COLGALT2: variants seen among roughly 807,000 people sequenced by gnomAD.
COLGALT2 encodes collagen beta(1-O)galactosyltransferase 2.
COLGALT2 carries 49 observed loss-of-function variants against 73.4 expected under a neutral mutation model. That is an observed-to-expected ratio of 0.67 (90% CI 0.53 to 0.85). COLGALT2 has a LOEUF of 0.85. Among genes scored for constraint, COLGALT2 ranks in the 40% least tolerant of loss-of-function variants. The pLI is 0.00. For missense variants in COLGALT2, 722 were observed against 790.2 expected, an observed-to-expected ratio of 0.91 and a Z score of 1.03; for synonymous variants, 295 against 307.6, an observed-to-expected ratio of 0.96 and a Z score of 0.43.
chr1:183,954,751 AC>A lies in COLGALT2; in HGVS notation c.1029+10del. On this transcript the variant is annotated intron_variant, in intron 7 of 11. Coordinates refer to ENST00000361927, the MANE Select transcript of COLGALT2 (RefSeq NM_015101.4). ...CGTGCATGTGCACACACATATAGAC[AC>A]CTTTCCTACCTCATCAAATCCCATC... 1 of 1,601,804 alleles carries A rather than the reference AC, an allele frequency of 6.2e-7. No homozygotes were observed. The highest frequency in any genetic ancestry group is 2.2e-5 in the East Asian group (1 of 44,818).
intron 11 of COLGALT2, among the ~76,000 whole-genome samples, chr1:183,939,431 T>C (rs6424919): frequency 0.57 from 87,141 of 152,062 alleles, 25,059 homozygotes; most frequent in African/African-American, 0.59. Flanking sequence ...ATGTGGCACG[T>C]GGAGGCTTAG....
intron 1 of COLGALT2, among the ~76,000 whole-genome samples, chr1:184,034,234 C>T (rs1210045171): frequency 6.6e-6 from 1 of 152,064 alleles, no homozygotes; most frequent in Admixed American, 6.5e-5. Flanking sequence ...ACCTGCCACC[C>T]ACTTGAACTC....
chr1:184,032,660 T>G (rs977841701), intron 1 of COLGALT2, among the ~76,000 whole-genome samples: 1 of 152,254 alleles, frequency 6.6e-6, no homozygotes. Context: ...AGGCATCATC[T>G]GCTTTTTCAG....
At chr1:183,955,430 C>A (rs1670526062) in intron 6 of COLGALT2, among the ~76,000 whole-genome samples, 1 of 152,096 alleles carries the variant, frequency 6.6e-6, no homozygotes, top group Non-Finnish European at 1.5e-5. Flanking sequence ...CTATTTTTAT[C>A]CCACCTGGGC....
chr1:183,946,307 G>GA (rs919953804), intron 8 of COLGALT2: 16 of 152,128 alleles, frequency 1.1e-4, no homozygotes, highest in Admixed American at 9.2e-4. Context: ...AACTTAAAAG[G>GA]AAAAACCAAG....
chr1:183,983,081 A>G (rs931406645), intron 1 of COLGALT2, among the ~76,000 whole-genome samples: 1 of 152,252 alleles, frequency 6.6e-6, no homozygotes, highest in Non-Finnish European at 1.5e-5. Flanking sequence ...AAACAGATGC[A>G]CAGATTTCAA....
chr1:183,934,191 C>A (rs896553674), downstream of COLGALT2, among the ~76,000 whole-genome samples: 1 of 152,234 alleles, frequency 6.6e-6, no homozygotes, highest in Non-Finnish European at 1.5e-5. Context: ...TGAAAGCTCA[C>A]CTAAACTCCT....
intron 8 of COLGALT2, among the ~76,000 whole-genome samples, chr1:183,950,054 T>G (rs1362666013): frequency 1.3e-5 from 2 of 152,226 alleles, no homozygotes; most frequent in Non-Finnish European, 2.9e-5. Flanking sequence ...GGATAATTTT[T>G]TAGTATAACC....
At position 183,954,858 on chromosome 1, in the gene COLGALT2, T is replaced by C; in HGVS notation, c.953-20A>G. On this transcript the variant is annotated intron_variant, in intron 6 of 11. Coordinates refer to ENST00000361927, the MANE Select transcript of COLGALT2 (RefSeq NM_015101.4). ...GGTCAACTGGAAGACACAAGAAACA[T>C]GCAGAGTGCTTTGTTAATGAAAGGG... The C allele has an allele frequency of 1.3e-6, 2 of 1,581,094 alleles. No homozygotes were observed. Among genetic ancestry groups the C allele is most frequent in the Non-Finnish European group, 1.7e-6 (2 of 1,150,258 alleles).
intron 5 of COLGALT2, among the ~76,000 whole-genome samples, chr1:183,968,729 C>T (rs142989072): frequency 9.2e-5 from 14 of 152,202 alleles, no homozygotes; most frequent in African/African-American, 2.4e-4. Context: ...CTGGCTGAAA[C>T]GCATCCATGG....
chr1:183,980,725 T>G (rs1265501786), intron 1 of COLGALT2, among the ~76,000 whole-genome samples: 1 of 151,742 alleles, frequency 6.6e-6, no homozygotes, highest in African/African-American at 2.4e-5. Flanking sequence ...AATATTGATG[T>G]CTAAACCTTA....
intron 6 of COLGALT2, 114 bp from the exon 7 acceptor site, chr1:183,954,952 G>A: frequency 1.3e-6 from 1 of 774,946 alleles, no homozygotes; most frequent in Non-Finnish European, 2.2e-6. Flanking sequence ...ATACAGGGCA[G>A]GGGACAATGG....
chr1:183,930,104 C>G, exon 12 of COLGALT2: 1 of 411,412 alleles, frequency 2.4e-6, no homozygotes, highest in South Asian at 1.8e-5. Flanking sequence ...GCCCATCAAC[C>G]AGTCCCCGGG....
intron 1 of COLGALT2, among the ~76,000 whole-genome samples, chr1:184,013,832 A>AC (rs1165338361): frequency 1.3e-5 from 2 of 152,312 alleles, no homozygotes; most frequent in East Asian, 3.9e-4. Flanking sequence ...CAGAACAGAT[A>AC]GGAAAAAGTG....
chr1:183,963,578 C>A (rs1287687602), intron 6 of COLGALT2, among the ~76,000 whole-genome samples: 2 of 152,140 alleles, frequency 1.3e-5, no homozygotes, highest in Non-Finnish European at 2.9e-5. Context: ...TGCTCAAAGT[C>A]ATATAATTAG....
chr1:184,012,030 G>A (rs11804464), intron 1 of COLGALT2, among the ~76,000 whole-genome samples: 29,198 of 152,174 alleles, frequency 0.19, 5,022 homozygotes, highest in African/African-American at 0.46. Context: ...TCTCATGCCT[G>A]TTGAGGATGA....
chr1:183,963,513 G>A (rs1027957772), intron 6 of COLGALT2, among the ~76,000 whole-genome samples: 1 of 151,994 alleles, frequency 6.6e-6, no homozygotes, highest in Non-Finnish European at 1.5e-5. Flanking sequence ...TAATGAATCT[G>A]CCCAAAAACC....
In COLGALT2 at chr1:183,944,213, C is replaced by G. The variant is rs754550426; in HGVS notation, c.1380G>C (p.Gln460His). Reference sequence around the variant, plus strand: ...TCACTCACATCAGTTCCCAGTCCAGCTGAGCCTGGTCAATGTTATCCATCA... The same window carrying G: ...TCACTCACATCAGTTCCCAGTCCAGGTGAGCCTGGTCAATGTTATCCATCA... ...MKLMDNIDQAQLDWELIYIGR... is the reference protein window; with the variant it reads ...MKLMDNIDQAHLDWELIYIGR... Residue 460 changes from glutamine (Q) to histidine (H), a missense_variant, in exon 10 of 12, where the codon CAG becomes CAC. Transcript: ENST00000361927. 4 of 1,613,220 alleles carry G rather than the reference C, an allele frequency of 2.5e-6. No individual in the cohort carries two copies. The South Asian group carries it at 4.4e-5, about 18-fold the overall frequency.
rs374777832 is a variant in COLGALT2 at position 183,959,430 on chromosome 1, A to G, written c.952+4471T>C. ...GCTCCCCAACCCCCAGTCTTTTTCTATAAAGTCTTTCCCATCTCAGTAAAT... is the reference window on the plus strand; with the variant it reads ...GCTCCCCAACCCCCAGTCTTTTTCTGTAAAGTCTTTCCCATCTCAGTAAAT... On this transcript the variant is annotated intron_variant, in intron 6 of 11. Coordinates refer to ENST00000361927, the MANE Select transcript of COLGALT2 (RefSeq NM_015101.4). Among the ~76,000 whole-genome samples, 298 of 152,248 alleles carry G rather than the reference A, an allele frequency of 2.0e-3. 4 individuals are homozygous for G. Among genetic ancestry groups the G allele is most frequent in the African/African-American group, 7.0e-3 (289 of 41,546 alleles).
Sources: allele counts gnomAD v4.1 joint callset (sites outside exome capture counted in the v4.1 genomes callset), GRCh38; gene constraint gnomAD v4.1.1; transcripts MANE v1.5; gene names NCBI Gene and HGNC (gene_info 2026-07-23, HGNC 2026-07-21).